ASPM: variants seen among roughly 807,000 people sequenced by gnomAD.
ASPM encodes the protein assembly factor for spindle microtubules.
Under a neutral mutation model 366.4 loss-of-function variants are expected in ASPM, and 256 were observed. The ratio of observed to expected loss-of-function variants is 0.70; its 90% CI spans 0.63 to 0.77. ASPM has a LOEUF of 0.77. Among genes scored for constraint, ASPM ranks in the 30% least tolerant of loss-of-function variants. The pLI, the probability that ASPM is intolerant of heterozygous loss-of-function variation, is 0.00. For missense variants in ASPM, 4,146 were observed against 4,090.4 expected (o/e 1.01, Z -0.37); for synonymous variants, 1,414 against 1,342.9 (o/e 1.05, Z -1.16).
At chr1:197,110,787 C>A (rs1657559168) in intron 17 of ASPM, among the ~76,000 whole-genome samples, 1 of 151,946 alleles carries the variant, frequency 6.6e-6, no homozygotes, top group African/African-American at 2.4e-5. Context: ...GGGTAGAGAA[C>A]CCAAAAATAA....
chr1:197,111,572 C>A (rs576874179), intron 17 of ASPM, among the ~76,000 whole-genome samples: 1 of 152,098 alleles, frequency 6.6e-6, no homozygotes, highest in Non-Finnish European at 1.5e-5. Context: ...AAACCCACTA[C>A]GGGGTATATA....
intron 17 of ASPM, among the ~76,000 whole-genome samples, chr1:197,110,181 G>A (rs1215966845): frequency 6.6e-6 from 1 of 152,018 alleles, no homozygotes; most frequent in East Asian, 1.9e-4. Context: ...TTACTATAAA[G>A]CTGCAGTAAT....
rs776868381 is a variant in ASPM at position 197,096,149 on chromosome 1, A to G, written c.8836T>C (p.Tyr2946His). The change falls in exon 19 of 28, where the codon TAT becomes CAT. Residue 2946 changes from tyrosine to histidine, a missense_variant. Tyr to His is a moderately conservative substitution (Grantham distance 83). This residue lies in a region of ASPM where 3,624 missense variants were observed against 3,591.7 expected (regional missense o/e 1.01). Coordinates refer to ENST00000367409, the MANE Select transcript of ASPM (RefSeq NM_018136.5). ...TIKIQAMWRR[Y>H]RAKKYLCKVK... Reference sequence around the variant, plus strand: ...TTACATAAATATTTCTTGGCTCTATATCTCCTCCACATAGCCTATTAAATA... The same window carrying G: ...TTACATAAATATTTCTTGGCTCTATGTCTCCTCCACATAGCCTATTAAATA... 31 of 1,605,414 alleles carry G rather than the reference A, an allele frequency of 1.9e-5. No homozygotes were observed. Among genetic ancestry groups the G allele is most frequent in the Non-Finnish European group, 2.6e-5 (30 of 1,173,804 alleles).
rs1274428562 is a variant in ASPM, at chr1:197,102,241, G to A, written c.7010C>T (p.Ala2337Val). 1.2e-6 allele frequency: 2 copies of A among 1,612,652 alleles called. No homozygotes were observed. The highest frequency in any genetic ancestry group is 2.7e-5 in the African/African-American group (2 of 74,772). Reference protein sequence around the residue: ...IRKRMREMHRAATFIQSTFRM... With the variant: ...IRKRMREMHRVATFIQSTFRM... ...GAAAGTAGACTGGATGAAAGTAGCA[G>A]CCCTGTGCATCTCTCGCATCCTTTT... The change falls in exon 18 of 28, where the codon GCT (alanine) becomes GTT (valine). Residue 2337 changes from alanine to valine, a missense_variant. Physicochemically the swap from Ala to Val is moderately conservative, Grantham distance 64. This residue lies in a region of ASPM where 3,624 missense variants were observed against 3,591.7 expected (regional missense o/e 1.01). Transcript: ENST00000367409.
chr1:197,139,971 T>A, intron 3 of ASPM, 100 bp from the exon 4 acceptor site: 1 of 803,426 alleles, frequency 1.2e-6, no homozygotes, highest in East Asian at 2.7e-5. Flanking sequence ...CACAATCATA[T>A]TCATTTAGCA....
At chr1:197,090,729 T>A in intron 23 of ASPM, 121 bp downstream of exon 23, 1 of 903,140 alleles carries the variant, frequency 1.1e-6, no homozygotes, top group Non-Finnish European at 1.7e-6. Context: ...TGCTTATGAG[T>A]TATTCTACCG....
chr1:197,100,926 G>C lies in ASPM; in HGVS notation c.8325C>G (p.Leu2775=). The change falls in exon 18 of 28, where the codon CTC becomes CTG. Residue 2775 remains leucine, a synonymous_variant. Coordinates refer to ENST00000367409, the MANE Select transcript of ASPM (RefSeq NM_018136.5). ...ACTGAGTTTTACTTCTGTAACAGCA[G>C]AGTGCAGATTGGTTAACAATGGCTG... ...KMAAIVNQSA[L]CCYRSKTQYE... 2 of 1,612,740 alleles carry C rather than the reference G, an allele frequency of 1.2e-6. No homozygotes were observed. The highest frequency in any genetic ancestry group is 1.7e-6 in the Non-Finnish European group (2 of 1,179,194).
intron 19 of ASPM, among the ~76,000 whole-genome samples, chr1:197,094,943 C>T (rs893204631): frequency 3.3e-5 from 5 of 151,598 alleles, no homozygotes; most frequent in East Asian, 3.9e-4. Flanking sequence ...TCTTTATATG[C>T]TTTTTAATTT....
Position 197,117,833 on chromosome 1 carries a change from C to A in ASPM, c.4021G>T (p.Glu1341Ter), listed in dbSNP as rs749059767. The A allele has an allele frequency of 6.2e-7, 1 of 1,612,870 alleles. No homozygotes were observed. Among genetic ancestry groups the A allele is most frequent in the Non-Finnish European group, 8.5e-7 (1 of 1,179,394 alleles). ...AQRKLLMLKKEKLEKVQNKAA... is the reference protein window; with the variant it reads ...AQRKLLMLKK The stretch of plus-strand genomic sequence containing the variant: ...TTATTTTGAACTTTTTCCAGCTTTT[C>A]CTTTTTTAACATTAATAATTTTCTC... The change falls in exon 17 of 28, where the codon GAA becomes TAA. Residue 1341 changes from glutamate (E) to a stop codon, truncating the protein, a stop_gained. Transcript: ENST00000367409. LOFTEE classifies it high-confidence loss of function.
chr1:197,140,007 C>G (rs879272619), intron 3 of ASPM, 136 bp from the exon 4 acceptor site: 6 of 628,374 alleles, frequency 9.5e-6, no homozygotes, highest in East Asian at 3.0e-5. Context: ...CTGTACTCCA[C>G]GCACTAATGC....
At chr1:197,086,172 G>A (rs1235687345) in intron 27 of ASPM, among the ~76,000 whole-genome samples, 1 of 151,814 alleles carries the variant, frequency 6.6e-6, no homozygotes, top group Non-Finnish European at 1.5e-5. Flanking sequence ...TCAAGAAATA[G>A]TGTGTTGTCA....
At chr1:197,114,527 T>C (rs570743259) in intron 17 of ASPM, among the ~76,000 whole-genome samples, 1 of 152,368 alleles carries the variant, frequency 6.6e-6, no homozygotes, top group African/African-American at 2.4e-5. Context: ...CAAAGCCCGC[T>C]GCTGCTTTGT....
chr1:197,094,057 G>T, intron 20 of ASPM, 27 bp downstream of exon 20: 1 of 1,274,508 alleles, frequency 7.8e-7, no homozygotes, highest in Non-Finnish European at 1.1e-6. Flanking sequence ...GTAGTTATTT[G>T]CAAGTGAATT....
Position 197,090,380 on chromosome 1 carries a change from C to A in ASPM, c.9645G>T (p.Trp3215Cys). Residue 3215 changes from tryptophan to cysteine, a missense_variant, in exon 24 of 28, where the codon TGG becomes TGT. Coordinates refer to ENST00000367409, the MANE Select transcript of ASPM (RefSeq NM_018136.5). ...TSGIIKIQAL[W>C]RGYSWRKKND... Reference sequence around the variant, plus strand: ...TTTTCTTCCTCCAAGAATAGCCTCTCCATAATGCCTTAAAGAGATAAAACA... The same window carrying A: ...TTTTCTTCCTCCAAGAATAGCCTCTACATAATGCCTTAAAGAGATAAAACA... 6.2e-7 allele frequency: 1 copy of A among 1,606,726 alleles called. No homozygotes were observed. Among genetic ancestry groups the A allele is most frequent in the South Asian group, 1.1e-5 (1 of 90,784 alleles).
rs899954991 is a variant in ASPM, at chr1:197,143,779, T to A, written c.473A>T (p.Lys158Ile). 1 of 1,611,888 alleles carries A rather than the reference T, an allele frequency of 6.2e-7. No individual in the cohort carries two copies. The highest frequency in any genetic ancestry group is 1.7e-5 in the Admixed American group (1 of 59,730). ...GTTGTGACTTGTAGAGGCTGAAATT[T>A]TCTTCTTTTTAATGGTATCCCAAAG... is the stretch of plus-strand genomic sequence containing the variant. Reference protein sequence around the residue: ...RSLWDTIKKKKISASTSHNRR... With the variant: ...RSLWDTIKKKIISASTSHNRR... Residue 158 changes from lysine to isoleucine, a missense_variant, in exon 3 of 28, where the codon AAA (lysine) becomes ATA (isoleucine). By Grantham distance (102) the Lys-to-Ile change is moderately radical (BLOSUM62 -3). Coordinates refer to ENST00000367409, the MANE Select transcript of ASPM (RefSeq NM_018136.5).
chr1:197,141,950 G>C (rs1658596116), intron 3 of ASPM, among the ~76,000 whole-genome samples: 1 of 152,146 alleles, frequency 6.6e-6, no homozygotes, highest in East Asian at 1.9e-4. Context: ...TTCTAGACTA[G>C]AGGCTCAACC....
intron 17 of ASPM, among the ~76,000 whole-genome samples, chr1:197,110,046 A>C (rs572623480): frequency 5.3e-4 from 81 of 152,192 alleles, no homozygotes; most frequent in African/African-American, 1.9e-3. Context: ...TCAAAATTTG[A>C]CAGTATTTTT....
At position 197,135,163 on chromosome 1, in the gene ASPM, G is replaced by T; in HGVS notation, c.2106C>A (p.Gly702=). Reference sequence around the variant, plus strand: ...ATATAAAATTTAACCACCAAGTGAAGCCCTGTTCCTGCTTTTCCTTCCAGC... The same window carrying T: ...ATATAAAATTTAACCACCAAGTGAATCCCTGTTCCTGCTTTTCCTTCCAGC... ...DERWKEKQEQ[G]FTWWLNFILT... The change falls in exon 5 of 28, where the codon GGC becomes GGA. Residue 702 remains glycine (G), a synonymous_variant. Coordinates refer to ENST00000367409, the MANE Select transcript of ASPM (RefSeq NM_018136.5). 6.2e-7 allele frequency: 1 copy of T among 1,613,118 alleles called. No homozygotes were observed. Among genetic ancestry groups the T allele is most frequent in the Non-Finnish European group, 8.5e-7 (1 of 1,179,144 alleles).
chr1:197,095,192 C>T (rs1656931872), intron 19 of ASPM, among the ~76,000 whole-genome samples: 1 of 151,590 alleles, frequency 6.6e-6, no homozygotes, highest in Admixed American at 6.6e-5. Context: ...AAATCTTATT[C>T]CTTCTCACTG....
Sources: gnomAD v4.1 joint callset for allele counts (sites outside exome capture counted in the v4.1 genomes callset) on GRCh38, gnomAD v4.1.1 for gene constraint, gnomAD v4.1.1 regional missense constraint, MANE v1.5 for transcripts, NCBI Gene and HGNC (gene_info 2026-07-23, HGNC 2026-07-21) for gene names.